The following CHRND variants were observed in gnomAD, a reference collection of about 807,000 sequenced individuals.
CHRND encodes cholinergic receptor nicotinic delta subunit, also known as acetylcholine receptor subunit delta.
CHRND carries 40 observed loss-of-function variants against 57.8 expected under a neutral mutation model. The ratio of observed to expected loss-of-function variants is 0.69; its 90% CI spans 0.54 to 0.90. The LOEUF (loss-of-function observed/expected upper bound fraction) is 0.90, where lower values mean the gene tolerates loss of function less well. Ranked by LOEUF, CHRND falls within the 40% of genes least tolerant of loss-of-function variation. CHRND has a pLI of 0.00. For missense variants in CHRND, 634 were observed against 673.9 expected, an observed-to-expected ratio of 0.94 and a Z score of 0.66; for synonymous variants, 237 against 270.6, an observed-to-expected ratio of 0.88 and a Z score of 1.22.
chr2:232,529,534 G>A (rs1431911516), intron 6 of CHRND, among the ~76,000 whole-genome samples: 1 of 152,248 alleles, frequency 6.6e-6, no homozygotes, highest in Non-Finnish European at 1.5e-5. Flanking sequence ...CCCAGGCCGA[G>A]GAGTGGCTCA....
rs1691814218 is a variant in CHRND at position 232,534,320 on chromosome 2, G to A, written c.1349G>A (p.Arg450Lys). 1 of 1,614,066 alleles carries A rather than the reference G, an allele frequency of 6.2e-7. No homozygotes were observed. The highest frequency in any genetic ancestry group is 1.1e-5 in the South Asian group (1 of 91,088). The change falls in exon 11 of 12, where the codon AGG (arginine) becomes AAG (lysine). Residue 450 changes from arginine to lysine, a missense_variant. Physicochemically the swap from Arg to Lys is conservative, Grantham distance 26. Coordinates refer to ENST00000258385, the MANE Select transcript of CHRND (RefSeq NM_000751.3). Reference sequence around the variant, plus strand: ...GCAAACTTCATTGTTAACCACATGAGGGACCAGAACAATTACAATGAGGTA... The same window carrying A: ...GCAAACTTCATTGTTAACCACATGAAGGACCAGAACAATTACAATGAGGTA... The part of the protein sequence containing the change: ...DGANFIVNHM[R>K]DQNNYNEEKD...
At chr2:232,532,571 G>A (rs1290334119) in intron 9 of CHRND, among the ~76,000 whole-genome samples, 1 of 151,770 alleles carries the variant, frequency 6.6e-6, no homozygotes, top group Non-Finnish European at 1.5e-5. Flanking sequence ...CGGGAGTGCC[G>A]CTCAGCCGTG....
At chr2:232,526,504 A>G in intron 1 of CHRND, 25 bp from the exon 2 acceptor site, 1 of 1,613,292 alleles carries the variant, frequency 6.2e-7, no homozygotes. Flanking sequence ...GGCCCCATTC[A>G]GTCCTTGTCG....
chr2:232,531,783 C>T, intron 9 of CHRND, 127 bp downstream of exon 9: 1 of 756,146 alleles, frequency 1.3e-6, no homozygotes, highest in Non-Finnish European at 2.3e-6. Context: ...ACCCCTGTCT[C>T]TATAAACAAT....
In CHRND at chr2:232,535,482, C is replaced by A; in HGVS notation, c.*170C>A. 1.2e-6 allele frequency: 1 copy of A among 841,908 alleles called. No homozygotes were observed. Among genetic ancestry groups the A allele is most frequent in the Non-Finnish European group, 1.9e-6 (1 of 515,248 alleles). 52.2% of individuals were successfully genotyped at this position (841,908 alleles called of 1,614,324 possible). On this transcript the variant is annotated 3_prime_UTR_variant, in exon 12 of 12. Coordinates refer to ENST00000258385, the MANE Select transcript of CHRND (RefSeq NM_000751.3). Reference sequence around the variant, plus strand: ...CTCAATGGCTCCCCTGAAATCAAGACAGGGGCCACCCGAGATGGTCTGAGG... The same window carrying A: ...CTCAATGGCTCCCCTGAAATCAAGAAAGGGGCCACCCGAGATGGTCTGAGG...
chr2:232,527,534 G>A (rs1238630903), intron 3 of CHRND, 89 bp downstream of exon 3: 26 of 967,802 alleles, frequency 2.7e-5, no homozygotes, highest in Non-Finnish European at 4.2e-5. Context: ...CACGAGGTCA[G>A]GAGATCAAGA....
intron 2 of CHRND, 140 bp from the exon 3 acceptor site, chr2:232,527,261 G>C: frequency 1.2e-6 from 1 of 819,242 alleles, no homozygotes; most frequent in Non-Finnish European, 2.1e-6. Flanking sequence ...AGCCAAGCTC[G>C]TGCCACTGCA....
chr2:232,535,961 C>G lies in CHRND; in HGVS notation c.*649C>G, dbSNP rs534930039. ...ATCCTAGAGGACCAGAACGCAGCACCTCTCCCCAAAGGGTCCCTGCCCCCC... is the reference window on the plus strand; with the variant it reads ...ATCCTAGAGGACCAGAACGCAGCACGTCTCCCCAAAGGGTCCCTGCCCCCC... On this transcript the variant is annotated 3_prime_UTR_variant, in exon 12 of 12. Transcript: ENST00000258385. 1 of 454,028 alleles carries G rather than the reference C, an allele frequency of 2.2e-6. No individual in the cohort carries two copies. The highest frequency in any genetic ancestry group is 4.4e-6 in the Non-Finnish European group (1 of 226,802). The allele number at this position is 454,028 out of a possible 1,614,324, so 28.1% of individuals were successfully genotyped here. A position where few individuals can be genotyped will look rare whatever the true frequency, so the allele number is the denominator to read the frequency against.
At chr2:232,533,802 G>A (rs551089154) in intron 9 of CHRND, 129 bp from the exon 10 acceptor site, 135 of 929,396 alleles carry the variant, frequency 1.5e-4, no homozygotes, top group African/African-American at 2.4e-4. Context: ...ACTTGAACCC[G>A]AGAGGTGGAG....
chr2:232,532,613 C>T (rs1445691449), intron 9 of CHRND, among the ~76,000 whole-genome samples: 1 of 152,132 alleles, frequency 6.6e-6, no homozygotes, highest in Non-Finnish European at 1.5e-5. Context: ...CAGCCCTGCA[C>T]GTGTGAACCT....
At chr2:232,532,476 CAAAAAAAAA>C (rs578172115) in intron 9 of CHRND, among the ~76,000 whole-genome samples, 1 of 92,554 alleles carries the variant, frequency 1.1e-5, no homozygotes, top group African/African-American at 4.5e-5. Flanking sequence ...ACTCTGTCTC[CAAAAAAAAA>C]AAAAAAAAAA....
Position 232,534,109 on chromosome 2 carries a change from G to A in CHRND, c.1226G>A (p.Gly409Glu). The change falls in exon 10 of 12, where the codon GGG becomes GAG. Residue 409 changes from glycine (G) to glutamate (E), a missense_variant. Transcript: ENST00000258385. Reference protein sequence around the residue: ...LMFEKQSERHGLARRLTTARR... With the variant: ...LMFEKQSERHELARRLTTARR... ...TTCGAGAAGCAGTCAGAGCGGCATGGGCTGGCCAGGCGCCTCACCACTGCA... is the reference window on the plus strand; with the variant it reads ...TTCGAGAAGCAGTCAGAGCGGCATGAGCTGGCCAGGCGCCTCACCACTGCA... 6.2e-7 allele frequency: 1 copy of A among 1,614,070 alleles called. No individual in the cohort carries two copies. Among genetic ancestry groups the A allele is most frequent in the South Asian group, 1.1e-5 (1 of 91,080 alleles).
rs765923418 is a variant in CHRND, at chr2:232,535,840, CT to C, written c.*529del. The C allele has an allele frequency of 2.2e-6, 1 of 454,178 alleles. No individual in the cohort carries two copies. The highest frequency in any genetic ancestry group is 1.6e-5 in the South Asian group (1 of 64,482). 28.1% of individuals were successfully genotyped at this position (454,178 alleles called of 1,614,324 possible). ...TTCCTAGCTCTTTCTGCCTTGACCT[CT>C]CTGCCTAGGTCCCTTTGGGAAGTTG... On this transcript the variant is annotated 3_prime_UTR_variant, in exon 12 of 12. Coordinates refer to ENST00000258385, the MANE Select transcript of CHRND (RefSeq NM_000751.3).
At chr2:232,526,949 T>C (rs1013353909) in intron 2 of CHRND, among the ~76,000 whole-genome samples, 1 of 152,200 alleles carries the variant, frequency 6.6e-6, no homozygotes, top group African/African-American at 2.4e-5. Context: ...TACCCACTCC[T>C]GACTGCGAGT....
rs138405676 is a variant in CHRND, at chr2:232,534,086, C to G, written c.1203C>G (p.Phe401Leu). 2 of 1,613,980 alleles carry G rather than the reference C, an allele frequency of 1.2e-6. No homozygotes were observed. Among genetic ancestry groups the G allele is most frequent in the African/African-American group, 2.7e-5 (2 of 74,940 alleles). The change falls in exon 10 of 12, where the codon TTC becomes TTG. Residue 401 changes from phenylalanine to leucine, a missense_variant. Transcript: ENST00000258385. ...TCAAGTCCCGCAGTGACCTCATGTTCGAGAAGCAGTCAGAGCGGCATGGGC... is the reference window on the plus strand; with the variant it reads ...TCAAGTCCCGCAGTGACCTCATGTTGGAGAAGCAGTCAGAGCGGCATGGGC... ...FLLKSRSDLM[F>L]EKQSERHGLA... is the part of the protein sequence containing the mutation.
Position 232,527,515 on chromosome 2 carries a change from G to C in CHRND, c.243+70G>C, listed in dbSNP as rs367693084. 3.7e-5 allele frequency: 43 copies of C among 1,167,704 alleles called. 1 individual carries two copies. In the African/African-American group the frequency reaches 4.8e-4, roughly 13 times the overall value. 72.3% of individuals were successfully genotyped at this position (1,167,704 alleles called of 1,614,324 possible). On this transcript the variant is annotated intron_variant, in intron 3 of 11. Coordinates refer to ENST00000258385, the MANE Select transcript of CHRND (RefSeq NM_000751.3). The stretch of plus-strand genomic sequence containing the variant: ...ATCCCAGCACTTTGGAAGGCCGAGG[G>C]GGGTGGATCACGAGGTCAGGAGATC...
In CHRND at chr2:232,535,180, G is replaced by A. The variant is rs1177894062; in HGVS notation, c.1422G>A (p.Leu474=). The A allele has an allele frequency of 6.2e-7, 1 of 1,614,104 alleles. No individual in the cohort carries two copies. The highest frequency in any genetic ancestry group is 8.5e-7 in the Non-Finnish European group (1 of 1,180,046). The change falls in exon 12 of 12, where the codon CTG becomes CTA. Residue 474 remains leucine (L), a synonymous_variant. Coordinates refer to ENST00000258385, the MANE Select transcript of CHRND (RefSeq NM_000751.3). ...RVARTVDRLC[L]FVVTPVMVVG... Reference sequence around the variant, plus strand: ...CCCGCACAGTGGACCGCCTCTGCCTGTTTGTGGTGACGCCTGTCATGGTGG... The same window carrying A: ...CCCGCACAGTGGACCGCCTCTGCCTATTTGTGGTGACGCCTGTCATGGTGG...
In CHRND at chr2:232,531,370, T is replaced by C. The variant is rs1352055530; in HGVS notation, c.839T>C (p.Val280Ala). The C allele has an allele frequency of 1.2e-6, 2 of 1,613,334 alleles. No homozygotes were observed. Among genetic ancestry groups the C allele is most frequent in the Admixed American group, 3.3e-5 (2 of 60,004 alleles). The stretch of plus-strand genomic sequence containing the variant: ...TCCCCAGGTGGTGAGAAGACATCAG[T>C]GGCCATCTCGGTGCTCCTGGCTCAG... ...LPADSGEKTS[V>A]AISVLLAQSV... is the part of the protein sequence containing the mutation. Residue 280 changes from valine (V) to alanine (A), a missense_variant, in exon 8 of 12, where the codon GTG becomes GCG. Physicochemically the swap from Val to Ala is moderately conservative, Grantham distance 64. Transcript: ENST00000258385.
At position 232,535,867 on chromosome 2, in the gene CHRND, A is replaced by G; in HGVS notation, c.*555A>G. 1 of 454,042 alleles carries G rather than the reference A, an allele frequency of 2.2e-6. No individual in the cohort carries two copies. 28.1% of individuals were successfully genotyped at this position (454,042 alleles called of 1,614,324 possible). A position where few individuals can be genotyped will look rare whatever the true frequency, so the allele number is the denominator to read the frequency against. The stretch of plus-strand genomic sequence containing the variant: ...CTGCCTAGGTCCCTTTGGGAAGTTG[A>G]GGACTGGAGTGGAAAGGTCAGGATC... On this transcript the variant is annotated 3_prime_UTR_variant, in exon 12 of 12. Transcript: ENST00000258385.
Sources: allele counts gnomAD v4.1 joint callset (sites outside exome capture counted in the v4.1 genomes callset), GRCh38; gene constraint gnomAD v4.1.1; transcripts MANE v1.5; gene names NCBI Gene and HGNC (gene_info 2026-07-23, HGNC 2026-07-21).